The following OS9 variants were observed in gnomAD, a reference collection of about 807,000 sequenced individuals.
The protein encoded by OS9 is OS9 endoplasmic reticulum lectin, also known as protein OS-9.
In OS9, 58 loss-of-function variants were observed where a neutral mutation model predicts 84.7. The ratio of observed to expected loss-of-function variants is 0.68; its 90% confidence interval spans 0.55 to 0.85. The LOEUF (loss-of-function observed/expected upper bound fraction) is 0.85. OS9 is among the 40% of genes least tolerant of loss of function. The pLI is 0.00. For missense variants in OS9, 760 were observed against 850.9 expected (o/e 0.89, Z 1.33); for synonymous variants, 278 against 320.8 (o/e 0.87, Z 1.43).
At position 57,719,180 on chromosome 12, in the gene OS9, C is replaced by T. The variant is rs1595068638; in HGVS notation, c.1598C>T (p.Thr533Ile). 6.2e-7 allele frequency: 1 copy of T among 1,613,088 alleles called. No homozygotes were observed. Among genetic ancestry groups the T allele is most frequent in the Non-Finnish European group, 8.5e-7 (1 of 1,179,478 alleles). Reference sequence around the variant, plus strand: ...AAGCCTCCCCCATCACCCCAACCTACAGGTGAGAGCAGTCAGACAAGAAAG... The same window carrying T: ...AAGCCTCCCCCATCACCCCAACCTATAGGTGAGAGCAGTCAGACAAGAAAG... Reference protein sequence around the residue: ...PKKPPPSPQPTEEDPEHRVRV... With the variant: ...PKKPPPSPQPIEEDPEHRVRV... The change falls in exon 12 of 15, where the codon ACA becomes ATA. Residue 533 changes from threonine (T) to isoleucine (I), a missense_variant and splice_region_variant. Thr to Ile is a moderately conservative substitution (Grantham distance 89). Transcript: ENST00000315970.
Position 57,715,915 on chromosome 12 carries a change from C to T in OS9, c.735C>T (p.Leu245=). 1 of 1,613,540 alleles carries T rather than the reference C, an allele frequency of 6.2e-7. No homozygotes were observed. The highest frequency in any genetic ancestry group is 8.5e-7 in the Non-Finnish European group (1 of 1,179,724). ...CCAGTGCTGCACCGCAGGCCATCCT[C>T]TGTCACCCTTCCCTACAGCCTGAGG... ...PPPSAAPQAI[L]CHPSLQPEEY... is the part of the protein sequence containing the mutation. The change falls in exon 6 of 15, where the codon CTC becomes CTT. Residue 245 remains leucine (L), a synonymous_variant. Coordinates refer to ENST00000315970, the MANE Select transcript of OS9 (RefSeq NM_006812.4).
intron 5 of OS9, among the ~76,000 whole-genome samples, chr12:57,709,541 A>T (rs547416447): frequency 8.5e-5 from 13 of 152,256 alleles, no homozygotes; most frequent in South Asian, 8.3e-4. Context: ...ATGAATTTTT[A>T]AAAAATTGTA....
chr12:57,716,272 G>A, intron 7 of OS9, 79 bp downstream of exon 7: 1 of 763,922 alleles, frequency 1.3e-6, no homozygotes, highest in Non-Finnish European at 2.1e-6. Flanking sequence ...CTGACTGACT[G>A]GTGGGGTGGG....
At chr12:57,717,394 T>G (rs1954530270) in intron 9 of OS9, among the ~76,000 whole-genome samples, 1 of 152,342 alleles carries the variant, frequency 6.6e-6, no homozygotes, top group South Asian at 2.1e-4. Context: ...AGGAGCGCAG[T>G]AGCGCACACC....
intron 5 of OS9, among the ~76,000 whole-genome samples, chr12:57,702,884 T>G (rs754723813): frequency 2.0e-5 from 3 of 152,226 alleles, no homozygotes; most frequent in Non-Finnish European, 4.4e-5. Flanking sequence ...TTGTATATCT[T>G]TTTTGGAGAA....
chr12:57,715,066 C>T (rs1215952422), intron 5 of OS9, among the ~76,000 whole-genome samples: 2 of 151,874 alleles, frequency 1.3e-5, no homozygotes, highest in African/African-American at 4.8e-5. Flanking sequence ...TATATATACA[C>T]TTTAAAAAAA....
intron 5 of OS9, among the ~76,000 whole-genome samples, chr12:57,707,027 A>G (rs1426942203): frequency 6.6e-6 from 1 of 152,128 alleles, no homozygotes; most frequent in East Asian, 1.9e-4. Flanking sequence ...TTCATAGGCC[A>G]TTATTCATTT....
intron 5 of OS9, among the ~76,000 whole-genome samples, chr12:57,708,487 G>C (rs1007221534): frequency 6.6e-6 from 1 of 152,018 alleles, no homozygotes; most frequent in Non-Finnish European, 1.5e-5. Context: ...ATTTAGCCAG[G>C]TGTGGTAGTG....
Position 57,694,156 on chromosome 12 carries a change from C to T in OS9, c.-6C>T. On this transcript the variant is annotated 5_prime_UTR_variant, in exon 1 of 15. The change creates a new upstream start codon in the 5' untranslated region. Coordinates refer to ENST00000315970, the MANE Select transcript of OS9 (RefSeq NM_006812.4). ...CAGATTCTCTGCATAAGAAGGGGAA[C>T]GAAAGATGGCGGCGGAAACGCTGCT... is the stretch of plus-strand genomic sequence containing the variant. 1 of 1,614,134 alleles carries T rather than the reference C, an allele frequency of 6.2e-7. No individual in the cohort carries two copies. The highest frequency in any genetic ancestry group is 8.5e-7 in the Non-Finnish European group (1 of 1,179,988).
intron 9 of OS9, among the ~76,000 whole-genome samples, 175 bp downstream of exon 9, chr12:57,716,919 G>A (rs1238838354): frequency 6.6e-6 from 1 of 152,188 alleles, no homozygotes; most frequent in Non-Finnish European, 1.5e-5. Flanking sequence ...CAAGGTGGCA[G>A]AACACAGTGG....
At chr12:57,714,433 G>T (rs2650054) in intron 5 of OS9, among the ~76,000 whole-genome samples, 1 of 152,148 alleles carries the variant, frequency 6.6e-6, no homozygotes, top group Non-Finnish European at 1.5e-5. Context: ...TCGAATTCCT[G>T]ACCTCAGGTG....
At chr12:57,702,163 C>A (rs893622678) in intron 5 of OS9, among the ~76,000 whole-genome samples, 6 of 152,158 alleles carry the variant, frequency 3.9e-5, no homozygotes, top group Non-Finnish European at 7.4e-5. Context: ...TTTAAGTGTA[C>A]AATTCAGTGG....
In OS9 at chr12:57,716,151, T is replaced by G; in HGVS notation, c.850T>G (p.Trp284Gly). Residue 284 changes from tryptophan to glycine, a missense_variant, in exon 7 of 15, where the codon TGG becomes GGG. Transcript: ENST00000315970. ...GCTGCAAGATCTAGGCCCCCAAGTG[T>G]GGAGTGAGACCAAGTCTGGGGTGGC... Reference protein sequence around the residue: ...EELQDLGPQVWSETKSGVAPQ... With the variant: ...EELQDLGPQVGSETKSGVAPQ... The G allele has an allele frequency of 1.2e-6, 2 of 1,612,964 alleles. No homozygotes were observed. The highest frequency in any genetic ancestry group is 1.7e-6 in the Non-Finnish European group (2 of 1,179,850).
rs749237641 is a variant in OS9, at chr12:57,720,835, G to C, written c.1930G>C (p.Glu644Gln). 5.0e-6 allele frequency: 8 copies of C among 1,613,918 alleles called. No individual in the cohort carries two copies. The South Asian group carries it at 7.7e-5, about 16-fold the overall frequency. Residue 644 changes from glutamate (E) to glutamine (Q), a missense_variant, in exon 15 of 15, where the codon GAG becomes CAG. By Grantham distance (29) the Glu-to-Gln change is conservative (BLOSUM62 2). Transcript: ENST00000315970. ...GGAACGCCAGCGGCAGAAAGAGCTG[G>C]AGAGCAATTACCGCCGGGTGTGGGG... ...QKERQRQKEL[E>Q]SNYRRVWGSP...
At chr12:57,719,457 A>G in intron 12 of OS9, 1 of 433,658 alleles carries the variant, frequency 2.3e-6, no homozygotes, top group Non-Finnish European at 4.1e-6. Flanking sequence ...TCTGCCTGGC[A>G]CACAATGGAT....
chr12:57,711,842 A>G (rs1183670808), intron 5 of OS9, among the ~76,000 whole-genome samples: 1 of 152,198 alleles, frequency 6.6e-6, no homozygotes, highest in Non-Finnish European at 1.5e-5. Context: ...TATTCCCAAC[A>G]CTTTGGGAGG....
chr12:57,696,071 T>A, intron 4 of OS9, 33 bp downstream of exon 4: 3 of 1,519,164 alleles, frequency 2.0e-6, no homozygotes. Flanking sequence ...GAAGAAAGGG[T>A]TCTGGCCACC....
chr12:57,694,370 G>A (rs1953758669), intron 1 of OS9, 47 bp downstream of exon 1: 1 of 1,598,480 alleles, frequency 6.3e-7, no homozygotes, highest in Non-Finnish European at 8.6e-7. Flanking sequence ...GAGGAAGCGG[G>A]TAAGAGATAG....
chr12:57,714,201 ATGTT>A (rs1330337761), intron 5 of OS9, among the ~76,000 whole-genome samples: 3 of 151,856 alleles, frequency 2.0e-5, no homozygotes, highest in Admixed American at 1.3e-4. Context: ...TAAATGCTTT[ATGTT>A]TGTTTGTTTG....
Sources: allele counts gnomAD v4.1 joint callset (sites outside exome capture counted in the v4.1 genomes callset), GRCh38; gene constraint gnomAD v4.1.1; transcripts MANE v1.5; gene names NCBI Gene and HGNC (gene_info 2026-07-23, HGNC 2026-07-21).